COQ5: variants seen among roughly 807,000 people sequenced by gnomAD.
COQ5 encodes the protein 2-methoxy-6-polyprenyl-1,4-benzoquinol methylase, mitochondrial.
In COQ5, 27 loss-of-function variants were observed where a neutral mutation model predicts 40.5. The observed-to-expected ratio is 0.67, with a 90% CI of 0.49 to 0.92. The LOEUF (loss-of-function observed/expected upper bound fraction) is 0.92. Among genes scored for constraint, COQ5 ranks in the 40% least tolerant of loss-of-function variants. The pLI is 0.00. For missense variants in COQ5, 409 were observed against 406.4 expected (o/e 1.01, Z -0.06); for synonymous variants, 141 against 150.0 (o/e 0.94, Z 0.44).
chr12:120,522,687 G>T, intron 1 of COQ5: 1 of 654,210 alleles, frequency 1.5e-6, no homozygotes, highest in South Asian at 1.8e-5. Context: ...GTAGGTGTCC[G>T]GGCACCTTTG....
intron 4 of COQ5, among the ~76,000 whole-genome samples, chr12:120,506,892 G>A (rs1868905964): frequency 6.6e-6 from 1 of 152,014 alleles, no homozygotes; most frequent in Admixed American, 6.6e-5. Flanking sequence ...GGAGGGCAGT[G>A]GCACAATCTC....
intron 1 of COQ5, 168 bp from the exon 2 acceptor site, chr12:120,522,531 T>C (rs1869717417): frequency 4.4e-6 from 3 of 678,814 alleles, no homozygotes; most frequent in South Asian, 1.8e-5. Context: ...TACCTCTTTA[T>C]TGATTTATTT....
chr12:120,528,791 C>T, intron 1 of COQ5, 149 bp downstream of exon 1: 1 of 754,048 alleles, frequency 1.3e-6, no homozygotes, highest in Non-Finnish European at 2.3e-6. Context: ...GCAACAAGAG[C>T]GAAATTCTGT....
chr12:120,524,911 C>T lies in COQ5; in HGVS notation c.203-2548G>A, dbSNP rs376587976. Among the ~76,000 whole-genome samples, 13 of 151,044 alleles carry T rather than the reference C, an allele frequency of 8.6e-5. No homozygotes were observed. In the South Asian group the frequency reaches 2.3e-3, roughly 27 times the overall value. ...TTGGCTCACTGTAACCTCCGCCTCCCGGCAATTCTCCTGGCTCAGCCTCCC... is the reference window on the plus strand; with the variant it reads ...TTGGCTCACTGTAACCTCCGCCTCCTGGCAATTCTCCTGGCTCAGCCTCCC... On this transcript the variant is annotated intron_variant, in intron 1 of 6. Coordinates refer to ENST00000288532, the MANE Select transcript of COQ5 (RefSeq NM_032314.4).
At chr12:120,522,630 C>A in intron 1 of COQ5, 1 of 652,304 alleles carries the variant, frequency 1.5e-6, no homozygotes, top group Non-Finnish European at 2.7e-6. Context: ...CACACCAGTC[C>A]TTCTGTCCTC....
At chr12:120,508,663 G>C (rs1868990305) in intron 4 of COQ5, among the ~76,000 whole-genome samples, 1 of 152,226 alleles carries the variant, frequency 6.6e-6, no homozygotes, top group African/African-American at 2.4e-5. Context: ...CTGAATGGGA[G>C]AGGAGGCAAG....
chr12:120,504,785 A>C, intron 5 of COQ5, 110 bp downstream of exon 5: 1 of 911,560 alleles, frequency 1.1e-6, no homozygotes, highest in Admixed American at 1.9e-5. Flanking sequence ...GACCTCTGGT[A>C]CTCTGAACTA....
intron 2 of COQ5, 56 bp from the exon 3 acceptor site, chr12:120,516,844 G>T: frequency 6.7e-7 from 1 of 1,493,354 alleles, no homozygotes; most frequent in Non-Finnish European, 9.3e-7. Flanking sequence ...AAAAAAGGAA[G>T]AAACAGCATT....
intron 1 of COQ5, chr12:120,526,800 C>G (rs1869972471): frequency 5.7e-6 from 1 of 174,916 alleles, no homozygotes; most frequent in Admixed American, 7.3e-5. Context: ...CTGCAAGCTC[C>G]TCCTCCCGGG....
intron 3 of COQ5, among the ~76,000 whole-genome samples, chr12:120,511,924 G>T (rs1255143645): frequency 2.6e-5 from 4 of 152,156 alleles, no homozygotes; most frequent in Non-Finnish European, 5.9e-5. Context: ...AAAAAATAAT[G>T]ATTTTGGCCG....
At chr12:120,511,953 T>C (rs1448568123) in intron 3 of COQ5, among the ~76,000 whole-genome samples, 1 of 152,228 alleles carries the variant, frequency 6.6e-6, no homozygotes, top group Non-Finnish European at 1.5e-5. Context: ...GGCTCACGCC[T>C]GTAATCCCAG....
chr12:120,518,566 C>CT (rs1210331760), intron 2 of COQ5, among the ~76,000 whole-genome samples: 86 of 142,638 alleles, frequency 6.0e-4, no homozygotes, highest in South Asian at 1.1e-3. Context: ...TATTTTATAT[C>CT]TTTTTTTTTT....
intron 2 of COQ5, among the ~76,000 whole-genome samples, chr12:120,517,175 C>T (rs574750785): frequency 3.3e-5 from 5 of 152,040 alleles, no homozygotes; most frequent in East Asian, 1.9e-4. Flanking sequence ...GGTGAAACCC[C>T]GTCTCTACAT....
Position 120,510,261 on chromosome 12 carries a change from T to C in COQ5, c.575-138A>G, listed in dbSNP as rs1193369418. ...GGCTGCCTGGATTCTAATCCCAGCT[T>C]CACCATATTCCTTATATATACATAT... On this transcript the variant is annotated intron_variant, in intron 3 of 6. Transcript: ENST00000288532. 2.5e-5 allele frequency: 18 copies of C among 714,358 alleles called. No homozygotes were observed. The Admixed American group carries it at 3.1e-4, about 12-fold the overall frequency. The allele number at this position is 714,358 out of a possible 1,614,324, so 44.3% of individuals were successfully genotyped here.
intron 1 of COQ5, 125 bp from the exon 2 acceptor site, chr12:120,522,488 T>A: frequency 2.3e-6 from 2 of 852,698 alleles, no homozygotes; most frequent in Non-Finnish European, 4.0e-6. Context: ...AACTAAGTCG[T>A]AATGCTTGAT....
At chr12:120,523,411 G>A in intron 1 of COQ5, 2 of 400,704 alleles carry the variant, frequency 5.0e-6, no homozygotes, top group Non-Finnish European at 4.9e-6. Flanking sequence ...TTCGGGACTG[G>A]CTGTGTGTGG....
intron 3 of COQ5, 102 bp from the exon 4 acceptor site, chr12:120,510,225 CTGGGTGG>C: frequency 1.1e-6 from 1 of 888,846 alleles, no homozygotes; most frequent in East Asian, 2.5e-5. Context: ...AGCCCAAGTC[CTGGGTGG>C]TTAGGCTGCC....
rs769831033 is a variant in COQ5, at chr12:120,522,276, A to C, written c.290T>G (p.Leu97Trp). Residue 97 changes from leucine (L) to tryptophan (W), a missense_variant, in exon 2 of 7, where the codon TTG (leucine) becomes TGG (tryptophan). Coordinates refer to ENST00000288532, the MANE Select transcript of COQ5 (RefSeq NM_032314.4). ...AAGCGGGTGCATCTTCCAGAGCAGC[A>C]AATCCTTCCAAACACGATGGATACC... The part of the protein sequence containing the change: ...SLGIHRVWKD[L>W]LLWKMHPLPG... The C allele has an allele frequency of 6.2e-7, 1 of 1,614,146 alleles. No homozygotes were observed. The highest frequency in any genetic ancestry group is 1.1e-5 in the South Asian group (1 of 91,084).
chr12:120,524,418 G>A (rs1329966368), intron 1 of COQ5, among the ~76,000 whole-genome samples: 3 of 151,398 alleles, frequency 2.0e-5, no homozygotes, highest in Non-Finnish European at 4.4e-5. Context: ...TCGCCACCAC[G>A]CCCAGCTAAT....
Sources: gnomAD v4.1 joint callset for allele counts (sites outside exome capture counted in the v4.1 genomes callset) on GRCh38, gnomAD v4.1.1 for gene constraint, MANE v1.5 for transcripts, NCBI Gene and HGNC (gene_info 2026-07-23, HGNC 2026-07-21) for gene names.